RAB5C: variants seen among roughly 807,000 people sequenced by gnomAD.
RAB5C encodes RAB5C, member RAS oncogene family, also known as ras-related protein Rab-5C.
Under a neutral mutation model 25.2 loss-of-function variants are expected in RAB5C, and 4 were observed. That is an observed-to-expected ratio of 0.16 (90% confidence interval 0.08 to 0.36). The LOEUF is 0.36. RAB5C is among the 10% of genes least tolerant of loss of function. The probability of loss-of-function intolerance (pLI) is 1.00; values close to 1 mark genes in which losing one functional copy is unlikely to be tolerated. For missense variants in RAB5C, 199 were observed against 283.8 expected (o/e 0.70, Z 2.15); for synonymous variants, 100 against 106.4 (o/e 0.94, Z 0.37).
chr17:42,137,027 C>T (rs1353167090), intron 1 of RAB5C, among the ~76,000 whole-genome samples: 1 of 152,154 alleles, frequency 6.6e-6, no homozygotes, highest in Non-Finnish European at 1.5e-5. Flanking sequence ...ACATTGCCGC[C>T]GGGTGAGGTG....
intron 1 of RAB5C, among the ~76,000 whole-genome samples, chr17:42,134,349 T>G (rs932911157): frequency 6.6e-6 from 1 of 152,154 alleles, no homozygotes; most frequent in African/African-American, 2.4e-5. Flanking sequence ...AAAACTGACA[T>G]AGTTTTCAAA....
intron 1 of RAB5C, among the ~76,000 whole-genome samples, chr17:42,133,075 T>C (rs1338340734): frequency 6.6e-6 from 1 of 152,216 alleles, no homozygotes; most frequent in African/African-American, 2.4e-5. Flanking sequence ...TAGCTGGCTC[T>C]AGCAACAGTC....
At chr17:42,153,712 T>C (rs1279902689) in intron 1 of RAB5C, among the ~76,000 whole-genome samples, 1 of 152,214 alleles carries the variant, frequency 6.6e-6, no homozygotes, top group Non-Finnish European at 1.5e-5. Flanking sequence ...GCCTGTACTT[T>C]GGCCACATAA....
chr17:42,142,074 C>T (rs1012195390), intron 1 of RAB5C, among the ~76,000 whole-genome samples: 1 of 151,954 alleles, frequency 6.6e-6, no homozygotes, highest in Admixed American at 6.6e-5. Context: ...GAGACTAGCT[C>T]CCAAAACCAC....
chr17:42,149,088 T>C (rs1349749957), intron 1 of RAB5C, among the ~76,000 whole-genome samples: 1 of 152,230 alleles, frequency 6.6e-6, no homozygotes, highest in African/African-American at 2.4e-5. Context: ...ATGCAGAGGA[T>C]GCCAAAAATA....
intron 2 of RAB5C, among the ~76,000 whole-genome samples, 192 bp from the exon 3 acceptor site, chr17:42,128,992 G>A (rs568651767): frequency 3.3e-5 from 5 of 152,094 alleles, no homozygotes; most frequent in South Asian, 2.1e-4. Context: ...TCTGGGGGAC[G>A]GGGTCTGCAC....
At chr17:42,128,923 C>T (rs1271623151) in intron 2 of RAB5C, 123 bp from the exon 3 acceptor site, 1 of 973,510 alleles carries the variant, frequency 1.0e-6, no homozygotes, top group African/African-American at 1.7e-5. Flanking sequence ...AGAGAACCCT[C>T]AAGCCAGGAG....
intron 1 of RAB5C, among the ~76,000 whole-genome samples, chr17:42,145,538 A>G (rs971109905): frequency 2.6e-5 from 4 of 152,254 alleles, no homozygotes; most frequent in African/African-American, 9.6e-5. Flanking sequence ...TCACGCATGT[A>G]ATCCCACCAC....
At chr17:42,145,050 G>A (rs908781904) in intron 1 of RAB5C, among the ~76,000 whole-genome samples, 21 of 147,488 alleles carry the variant, frequency 1.4e-4, no homozygotes, top group African/African-American at 4.7e-4. Context: ...CTATAGGCCT[G>A]TAGTCCCAGC....
intron 1 of RAB5C, among the ~76,000 whole-genome samples, chr17:42,144,946 A>G (rs1360776724): frequency 3.0e-4 from 10 of 32,850 alleles, no homozygotes; most frequent in African/African-American, 2.2e-3. Flanking sequence ...AAAAAAAAAA[A>G]AAAAAAAAAA....
At chr17:42,147,461 G>A (rs867432928) in intron 1 of RAB5C, among the ~76,000 whole-genome samples, 2 of 152,194 alleles carry the variant, frequency 1.3e-5, no homozygotes, top group African/African-American at 2.4e-5. Context: ...GCAGAAGCAC[G>A]GTCGTTCTGT....
intron 1 of RAB5C, among the ~76,000 whole-genome samples, chr17:42,140,511 ATATATTTTTTTT>A (rs2054585499): frequency 2.8e-5 from 1 of 36,020 alleles, no homozygotes; most frequent in African/African-American, 3.3e-4. Flanking sequence ...ATATATATAT[ATATATTTTTTTT>A]TTTTTTTTTT....
intron 1 of RAB5C, among the ~76,000 whole-genome samples, chr17:42,150,164 C>T (rs913336586): frequency 1.3e-5 from 2 of 151,878 alleles, no homozygotes; most frequent in Non-Finnish European, 2.9e-5. Context: ...GGATTATAGG[C>T]GTGATCCACC....
intron 2 of RAB5C, among the ~76,000 whole-genome samples, chr17:42,129,620 T>C (rs1217784832): frequency 6.6e-6 from 1 of 152,182 alleles, no homozygotes; most frequent in Non-Finnish European, 1.5e-5. Flanking sequence ...CTGAGGGACA[T>C]GGGGCACTGC....
At chr17:42,149,210 T>A (rs1382105829) in intron 1 of RAB5C, among the ~76,000 whole-genome samples, 1 of 152,182 alleles carries the variant, frequency 6.6e-6, no homozygotes, top group Non-Finnish European at 1.5e-5. Context: ...CCAACATATG[T>A]ACCCTTCACT....
At position 42,130,434 on chromosome 17, in the gene RAB5C, C is replaced by T; in HGVS notation, c.69G>A (p.Lys23=). 4 of 1,614,202 alleles carry T rather than the reference C, an allele frequency of 2.5e-6. No individual in the cohort carries two copies. The highest frequency in any genetic ancestry group is 3.4e-6 in the Non-Finnish European group (4 of 1,180,040). ...CCGCAGACTCCCCCAGCAGAACCAG[C>T]TTAAATTGACAGATCTTGTTCCCAG... ...PAAGNKICQF[K]LVLLGESAVG... is the part of the protein sequence containing the mutation. Residue 23 remains lysine, a synonymous_variant, in exon 2 of 6, where the codon AAG becomes AAA. Transcript: ENST00000346213.
intron 1 of RAB5C, among the ~76,000 whole-genome samples, chr17:42,142,159 C>A (rs2079607197): frequency 8.0e-6 from 1 of 124,322 alleles, no homozygotes; most frequent in Non-Finnish European, 1.6e-5. Context: ...CAAACCATAA[C>A]CTCTTAAAAA....
chr17:42,144,962 A>C (rs2079624698), intron 1 of RAB5C, among the ~76,000 whole-genome samples: 10 of 85,758 alleles, frequency 1.2e-4, no homozygotes, highest in African/African-American at 4.9e-4. Flanking sequence ...AAAAAAAAAA[A>C]AAAAAAAAAA....
rs776060895 is a variant in RAB5C, at chr17:42,126,758, T to C, written c.532A>G (p.Ile178Val). 68 of 1,608,496 alleles carry C rather than the reference T, an allele frequency of 4.2e-5. No individual in the cohort carries two copies. Among genetic ancestry groups the C allele is most frequent in the East Asian group, 2.0e-4 (9 of 44,790 alleles). ...AMNVNEIFMA[I>V]AKKLPKNEPQ... ...GAGGGGAGGAGAAGCAACTGACCTA[T>C]TGCCATGAAGATTTCGTTCACGTTC... The change falls in exon 5 of 6, where the codon ATA becomes GTA. Residue 178 changes from isoleucine to valine, a missense_variant. Ile to Val is a conservative substitution (Grantham distance 29). This residue lies in a region of RAB5C where 154 missense variants were observed against 199.6 expected (regional missense o/e 0.77). Transcript: ENST00000346213.
Sources: gnomAD v4.1 joint callset for allele counts (sites outside exome capture counted in the v4.1 genomes callset) on GRCh38, gnomAD v4.1.1 for gene constraint, gnomAD v4.1.1 regional missense constraint, MANE v1.5 for transcripts, NCBI Gene and HGNC (gene_info 2026-07-23, HGNC 2026-07-21) for gene names.